Variants in ESR1 observed in about 807,000 individuals in gnomAD.
The protein encoded by ESR1 is estrogen receptor.
In ESR1, 12 loss-of-function variants were observed where a neutral mutation model predicts 52.7. That is an observed-to-expected ratio of 0.23 (90% confidence interval 0.15 to 0.37). ESR1 has a LOEUF of 0.37. Among genes scored for constraint, ESR1 ranks in the 10% least tolerant of loss-of-function variants. The pLI, the probability that ESR1 is intolerant of heterozygous loss-of-function variation, is 1.00. For synonymous variants in ESR1, 305 were observed against 316.8 expected (o/e 0.96, Z 0.39); for missense variants, 584 against 779.7 (o/e 0.75, Z 2.99).
At chr6:152,036,315 G>A (rs747182543) in intron 5 of ESR1, among the ~76,000 whole-genome samples, 13 of 152,104 alleles carry the variant, frequency 8.5e-5, no homozygotes, top group Non-Finnish European at 1.6e-4. Flanking sequence ...AGCTGAAATC[G>A]TGCCACTGCA....
intron 3 of ESR1, among the ~76,000 whole-genome samples, chr6:151,904,477 G>C (rs563459346): frequency 3.4e-4 from 52 of 152,084 alleles, no homozygotes; most frequent in African/African-American, 1.2e-3. Flanking sequence ...TTTCGTGGGG[G>C]ATTCAAAAAT....
At chr6:151,745,813 A>G (rs1027289188) in intron 2 of ESR1, among the ~76,000 whole-genome samples, 2 of 152,202 alleles carry the variant, frequency 1.3e-5, no homozygotes, top group Non-Finnish European at 2.9e-5. Context: ...ACTAGTGTTA[A>G]GTATATTCAA....
intron 1 of ESR1, among the ~76,000 whole-genome samples, 159 bp downstream of exon 1, chr6:151,808,523 G>T (rs925709939): frequency 6.6e-6 from 1 of 152,118 alleles, no homozygotes; most frequent in Non-Finnish European, 1.5e-5. Context: ...CCAGCCCGGG[G>T]GTTCTGCGTG....
intron 5 of ESR1, among the ~76,000 whole-genome samples, chr6:152,045,344 T>C (rs1267419166): frequency 6.6e-6 from 1 of 152,172 alleles, no homozygotes; most frequent in Non-Finnish European, 1.5e-5. Context: ...GTTGTAGGAA[T>C]TTTCAAAGCC....
At chr6:151,966,448 T>C (rs1422016354) in intron 4 of ESR1, among the ~76,000 whole-genome samples, 5 of 152,170 alleles carry the variant, frequency 3.3e-5, no homozygotes, top group Non-Finnish European at 7.3e-5. Flanking sequence ...TTTTTTGTTA[T>C]GTTTTGGCTT....
At chr6:151,917,668 C>G (rs1158562468) in intron 3 of ESR1, among the ~76,000 whole-genome samples, 1 of 152,072 alleles carries the variant, frequency 6.6e-6, no homozygotes, top group Non-Finnish European at 1.5e-5. Flanking sequence ...GTGTGGTAAC[C>G]TGTGATTGAT....
intron 2 of ESR1, among the ~76,000 whole-genome samples, chr6:151,869,325 A>G (rs1487955691): frequency 2.0e-5 from 3 of 152,206 alleles, no homozygotes; most frequent in Non-Finnish European, 2.9e-5. Flanking sequence ...ATGGCATTGA[A>G]GTAATCACAC....
chr6:151,980,266 G>A (rs1329950119), intron 4 of ESR1, among the ~76,000 whole-genome samples: 7 of 151,998 alleles, frequency 4.6e-5, no homozygotes, highest in Non-Finnish European at 5.9e-5. Context: ...TTGCATTCTC[G>A]GATTTTGACA....
At chr6:151,920,903 A>G (rs1229038531) in intron 3 of ESR1, among the ~76,000 whole-genome samples, 1 of 152,132 alleles carries the variant, frequency 6.6e-6, no homozygotes, top group East Asian at 1.9e-4. Context: ...TTTTGGAAGA[A>G]GCCATTTTGT....
chr6:151,925,108 C>A (rs2032448382), intron 3 of ESR1, among the ~76,000 whole-genome samples: 1 of 120,786 alleles, frequency 8.3e-6, no homozygotes, highest in East Asian at 2.4e-4. Context: ...TTCTCCATAA[C>A]CTCCCCAGCA....
chr6:151,764,305 T>C (rs561616089), intron 2 of ESR1, among the ~76,000 whole-genome samples: 1 of 152,298 alleles, frequency 6.6e-6, no homozygotes, highest in South Asian at 2.1e-4. Context: ...AACAGAAGAA[T>C]GTGTTAAACA....
chr6:151,665,185 C>T (rs1218487407), intron 1 of ESR1, among the ~76,000 whole-genome samples: 2 of 152,096 alleles, frequency 1.3e-5, no homozygotes, highest in African/African-American at 2.4e-5. Context: ...CTAGCATGGT[C>T]GCCTTGAAGC....
intron 3 of ESR1, among the ~76,000 whole-genome samples, chr6:151,905,333 A>G (rs758494658): frequency 3.3e-5 from 5 of 152,248 alleles, no homozygotes; most frequent in Admixed American, 2.0e-4. Context: ...CATTATGCTT[A>G]GAATGTCTCA....
intron 2 of ESR1, among the ~76,000 whole-genome samples, chr6:151,779,492 G>A (rs1019510588): frequency 7.9e-5 from 12 of 152,166 alleles, no homozygotes; most frequent in Non-Finnish European, 1.3e-4. Context: ...TCTCACACTA[G>A]TCAGAATGGT....
chr6:152,104,340 A>G (rs1299034353), downstream of ESR1, among the ~76,000 whole-genome samples: 1 of 152,200 alleles, frequency 6.6e-6, no homozygotes, highest in African/African-American at 2.4e-5. Context: ...AGAAACAAGA[A>G]TAGCACTTAC....
chr6:151,713,933 G>A (rs979626147), intron 2 of ESR1, among the ~76,000 whole-genome samples: 1 of 152,018 alleles, frequency 6.6e-6, no homozygotes, highest in African/African-American at 2.4e-5. Context: ...TGTGATGTTA[G>A]GGTGTCAGTT....
At chr6:151,800,310 G>C (rs1176332225), upstream of ESR1, among the ~76,000 whole-genome samples, 1 of 152,082 alleles carries the variant, frequency 6.6e-6, no homozygotes, top group Non-Finnish European at 1.5e-5. Flanking sequence ...AGAAGAGCCT[G>C]AGCAGGAAGG....
At chr6:152,110,294 TA>T (rs1193178872) in intron 6 of ESR1, among the ~76,000 whole-genome samples, 2 of 152,134 alleles carry the variant, frequency 1.3e-5, no homozygotes, top group African/African-American at 4.8e-5. Context: ...CTGTCAATGG[TA>T]GACTGGATAA....
At chr6:151,958,399 CA>C (rs1476165953) in intron 4 of ESR1, among the ~76,000 whole-genome samples, 2 of 152,152 alleles carry the variant, frequency 1.3e-5, no homozygotes, top group African/African-American at 4.8e-5. Flanking sequence ...GGACATTTTA[CA>C]GATAAAGAAA....
Sources: gnomAD v4.1 joint callset for allele counts (sites outside exome capture counted in the v4.1 genomes callset) on GRCh38, gnomAD v4.1.1 for gene constraint, MANE v1.5 for transcripts, NCBI Gene and HGNC (gene_info 2026-07-23, HGNC 2026-07-21) for gene names.